USHBP1: variants seen among roughly 807,000 people sequenced by gnomAD.
The protein encoded by USHBP1 is harmonin-binding protein USHBP1.
Under a neutral mutation model 76.2 loss-of-function variants are expected in USHBP1, and 67 were observed. That is an observed-to-expected ratio of 0.88 (90% CI 0.72 to 1.08). USHBP1 has a LOEUF of 1.08. Among genes scored for constraint, USHBP1 ranks in the 50% least tolerant of loss-of-function variants. The probability of loss-of-function intolerance (pLI) is 0.00; values close to 1 mark genes in which losing one functional copy is unlikely to be tolerated. For synonymous variants in USHBP1, 322 were observed against 362.2 expected, an observed-to-expected ratio of 0.89 and a Z score of 1.26; for missense variants, 931 against 915.0, an observed-to-expected ratio of 1.02 and a Z score of -0.23.
intron 1 of USHBP1, 23 bp downstream of exon 1, chr19:17,264,648 A>C: frequency 8.1e-5 from 26 of 320,910 alleles, no homozygotes; most frequent in East Asian, 1.5e-4. Flanking sequence ...GCCCTCCTAA[A>C]TGAGAGGTTC....
chr19:17,249,900 G>A lies in USHBP1; in HGVS notation c.*325C>T. The stretch of plus-strand genomic sequence containing the variant: ...CTGGGCTTCGGGAGACAGGCCAGTT[G>A]GAACTTCAGCTGTGGCTATGCAACC... On this transcript the variant is annotated 3_prime_UTR_variant, in exon 13 of 13. Transcript: ENST00000252597. 3.1e-6 allele frequency: 1 copy of A among 325,740 alleles called. No individual in the cohort carries two copies. Among genetic ancestry groups the A allele is most frequent in the Middle Eastern group, 9.4e-4 (1 of 1,062 alleles). 20.2% of individuals were successfully genotyped at this position (325,740 alleles called of 1,614,324 possible).
intron 12 of USHBP1, 81 bp from the exon 13 acceptor site, chr19:17,250,495 T>TG (rs1357803257): frequency 6.7e-7 from 1 of 1,493,578 alleles, no homozygotes; most frequent in Admixed American, 2.2e-5. Flanking sequence ...ACTCCCAGAA[T>TG]GGGGGCTCTT....
intron 7 of USHBP1, chr19:17,258,734 A>T: frequency 3.1e-6 from 1 of 325,306 alleles, no homozygotes; most frequent in Non-Finnish European, 5.8e-6. Flanking sequence ...AAGAAAGAAA[A>T]AAGAAAAAAA....
intron 10 of USHBP1, among the ~76,000 whole-genome samples, chr19:17,253,108 A>G (rs1409805324): frequency 2.0e-5 from 3 of 151,246 alleles, no homozygotes; most frequent in African/African-American, 7.3e-5. Context: ...AGCTGGGACT[A>G]CAGGCGCCCG....
rs1413536022 is a variant in USHBP1 at position 17,258,249 on chromosome 19, C to T, written c.1183G>A (p.Ala395Thr). 2 of 1,614,120 alleles carry T rather than the reference C, an allele frequency of 1.2e-6. No homozygotes were observed. Among genetic ancestry groups the T allele is most frequent in the Non-Finnish European group, 1.7e-6 (2 of 1,180,036 alleles). ...TTCTGCTGTGCTCCTGCATCCATGGCAGCCTCCTCTTGTGCCAGCAGCCTC... is the reference window on the plus strand; with the variant it reads ...TTCTGCTGTGCTCCTGCATCCATGGTAGCCTCCTCTTGTGCCAGCAGCCTC... ...AWRLLAQEEAAMDAGAQQNPQ... is the reference protein window; with the variant it reads ...AWRLLAQEEATMDAGAQQNPQ... The change falls in exon 8 of 13, where the codon GCC (alanine) becomes ACC (threonine). Residue 395 changes from alanine (A) to threonine (T), a missense_variant. Ala to Thr is a moderately conservative substitution (Grantham distance 58). Coordinates refer to ENST00000252597, the MANE Select transcript of USHBP1 (RefSeq NM_031941.4).
At chr19:17,261,485 G>A (rs1457805348) in intron 4 of USHBP1, among the ~76,000 whole-genome samples, 2 of 150,602 alleles carry the variant, frequency 1.3e-5, no homozygotes, top group Non-Finnish European at 1.5e-5. Flanking sequence ...ACAGGCACCC[G>A]CCACCACGCC....
intron 7 of USHBP1, 94 bp from the exon 8 acceptor site, chr19:17,258,479 C>T (rs922140914): frequency 9.1e-5 from 130 of 1,425,996 alleles, no homozygotes; most frequent in Non-Finnish European, 1.1e-4. Context: ...GAGGCTGAGG[C>T]GGGAGGATTA....
At chr19:17,261,640 ATT>A (rs34383325) in intron 4 of USHBP1, among the ~76,000 whole-genome samples, 4 of 86,388 alleles carry the variant, frequency 4.6e-5, no homozygotes, top group Non-Finnish European at 4.7e-5. Context: ...CATTATTATT[ATT>A]TTTTTTTTTT....
In USHBP1 at chr19:17,255,556, C is replaced by T. The variant is rs2073608828; in HGVS notation, c.1521G>A (p.Lys507=). 6.2e-7 allele frequency: 1 copy of T among 1,613,430 alleles called. No individual in the cohort carries two copies. The highest frequency in any genetic ancestry group is 8.5e-7 in the Non-Finnish European group (1 of 1,179,600). The change falls in exon 10 of 13, where the codon AAG becomes AAA. Residue 507 remains lysine (K), a synonymous_variant. Transcript: ENST00000252597. The part of the protein sequence containing the change: ...MLRLQLVRRE[K]RGLELREAAL... Reference sequence around the variant, plus strand: ...CAGCCTCCCGCAGCTCTAGGCCCCGCTTCTCACGCCGCACCAGCTGCAGCC... The same window carrying T: ...CAGCCTCCCGCAGCTCTAGGCCCCGTTTCTCACGCCGCACCAGCTGCAGCC...
chr19:17,259,377 C>A lies in USHBP1; in HGVS notation c.958G>T (p.Gly320Ter). The change falls in exon 7 of 13, where the codon GGA becomes TGA. Residue 320 changes from glycine to a stop codon, truncating the protein, a stop_gained. Coordinates refer to ENST00000252597, the MANE Select transcript of USHBP1 (RefSeq NM_031941.4). LOFTEE classifies it high-confidence loss of function. ...FNRLLSAVLQ[G>*]YKGRCEGLSM... is the part of the protein sequence containing the mutation. The stretch of plus-strand genomic sequence containing the variant: ...AGGCCTTCACAGCGGCCCTTGTATC[C>A]CTGTAGCACAGCTGATAGCAGACGA... The A allele has an allele frequency of 6.2e-7, 1 of 1,614,164 alleles. No individual in the cohort carries two copies. The highest frequency in any genetic ancestry group is 8.5e-7 in the Non-Finnish European group (1 of 1,180,028).
intron 4 of USHBP1, among the ~76,000 whole-genome samples, chr19:17,260,587 C>T (rs931383467): frequency 1.3e-5 from 2 of 152,146 alleles, no homozygotes; most frequent in Non-Finnish European, 2.9e-5. Flanking sequence ...GACTCAGCCT[C>T]CCAAAGTGCT....
Position 17,259,813 on chromosome 19 carries a change from T to C in USHBP1, c.769-81A>G, listed in dbSNP as rs2073666487. The C allele has an allele frequency of 7.6e-6, 12 of 1,582,250 alleles. No individual in the cohort carries two copies. The South Asian group carries it at 1.4e-4, about 18-fold the overall frequency. ...TAGGCATTTTGCAACCCCAAAGCTG[T>C]TGGATCCCATGACAAAGATTTGAGT... is the stretch of plus-strand genomic sequence containing the variant. On this transcript the variant is annotated intron_variant, in intron 5 of 12. Coordinates refer to ENST00000252597, the MANE Select transcript of USHBP1 (RefSeq NM_031941.4).
Position 17,250,335 on chromosome 19 carries a change from T to TG in USHBP1, c.2001dup (p.Met668HisfsTer76), listed in dbSNP as rs2073534123. The TG allele has an allele frequency of 1.5e-5, 24 of 1,613,506 alleles. No homozygotes were observed. The highest frequency in any genetic ancestry group is 1.9e-5 in the Non-Finnish European group (22 of 1,179,842). ...ACCTCCTCGGCCTGCTGAGCCTCCA[T>TG]GAGTGCCATCTGCTGCTCCAACTTC... is the stretch of plus-strand genomic sequence containing the variant. On this transcript the variant is annotated frameshift_variant, in exon 13 of 13. Transcript: ENST00000252597. LOFTEE classifies it low-confidence loss of function (END_TRUNC).
Position 17,250,500 on chromosome 19 carries a change from G to T in USHBP1, c.1923-86C>A, listed in dbSNP as rs2073537260. 12 of 1,466,354 alleles carry T rather than the reference G, an allele frequency of 8.2e-6. No homozygotes were observed. The South Asian group carries it at 1.3e-4, about 16-fold the overall frequency. The allele number at this position is 1,466,354 out of a possible 1,614,324, so 90.8% of individuals were successfully genotyped here. A position where few individuals can be genotyped will look rare whatever the true frequency, so the allele number is the denominator to read the frequency against. On this transcript the variant is annotated intron_variant, in intron 12 of 12. Transcript: ENST00000252597. ...GTGTACTCCCACTCCCAGAATGGGGGCTCTTTCACATTGGGTCTCCAAGGG... is the reference window on the plus strand; with the variant it reads ...GTGTACTCCCACTCCCAGAATGGGGTCTCTTTCACATTGGGTCTCCAAGGG...
chr19:17,250,679 T>C (rs1273829611), intron 12 of USHBP1, among the ~76,000 whole-genome samples: 1 of 151,752 alleles, frequency 6.6e-6, no homozygotes, highest in Non-Finnish European at 1.5e-5. Context: ...GCCTCCCAAG[T>C]AGCTGGGATT....
At position 17,258,236 on chromosome 19, in the gene USHBP1, C is replaced by T. The variant is rs745409353; in HGVS notation, c.1196G>A (p.Gly399Glu). 2 of 1,614,024 alleles carry T rather than the reference C, an allele frequency of 1.2e-6. No homozygotes were observed. Among genetic ancestry groups the T allele is most frequent in the Non-Finnish European group, 1.7e-6 (2 of 1,180,044 alleles). ...LAQEEAAMDAGAQQNPQPSPE... is the reference protein window; with the variant it reads ...LAQEEAAMDAEAQQNPQPSPE... ...CCTTGGCTGTGGATTCTGCTGTGCT[C>T]CTGCATCCATGGCAGCCTCCTCTTG... is the stretch of plus-strand genomic sequence containing the variant. Residue 399 changes from glycine to glutamate, a missense_variant, in exon 8 of 13, where the codon GGA becomes GAA. By Grantham distance (98) the Gly-to-Glu change is moderately conservative (BLOSUM62 -2). Coordinates refer to ENST00000252597, the MANE Select transcript of USHBP1 (RefSeq NM_031941.4).
chr19:17,264,570 G>A (rs1037913614), intron 1 of USHBP1, 101 bp downstream of exon 1: 8 of 506,794 alleles, frequency 1.6e-5, no homozygotes, highest in Admixed American at 3.8e-5. Flanking sequence ...CCTTCACTAC[G>A]TCTTTGTCCA....
chr19:17,251,500 G>T, intron 12 of USHBP1, 82 bp downstream of exon 12: 1 of 1,575,700 alleles, frequency 6.3e-7, no homozygotes, highest in South Asian at 1.1e-5. Context: ...GAATGCTAAG[G>T]CCCAGAGACA....
At chr19:17,262,231 C>T (rs1422403608) in intron 4 of USHBP1, among the ~76,000 whole-genome samples, 1 of 151,578 alleles carries the variant, frequency 6.6e-6, no homozygotes, top group Non-Finnish European at 1.5e-5. Flanking sequence ...CCTTGAACTC[C>T]TGACTTTGTG....
Sources: allele counts gnomAD v4.1 joint callset (sites outside exome capture counted in the v4.1 genomes callset), GRCh38; gene constraint gnomAD v4.1.1; transcripts MANE v1.5; gene names NCBI Gene and HGNC (gene_info 2026-07-23, HGNC 2026-07-21).